The following CUL4A variants were observed in gnomAD, a reference collection of about 807,000 sequenced individuals.
CUL4A encodes cullin 4A, also known as cullin-4A.
A neutral mutation model predicts 95.5 loss-of-function variants in CUL4A; 16 were observed. The observed-to-expected ratio is 0.17, with a 90% CI of 0.11 to 0.25. The LOEUF is 0.25. CUL4A is among the 10% of genes least tolerant of loss of function. The probability of loss-of-function intolerance (pLI) is 1.00; values close to 1 mark genes in which losing one functional copy is unlikely to be tolerated. For synonymous variants in CUL4A, 380 were observed against 353.1 expected (o/e 1.08, Z -0.85); for missense variants, 610 against 937.0 (o/e 0.65, Z 4.56).
chr13:113,240,520 T>C (rs1209679094), intron 10 of CUL4A, among the ~76,000 whole-genome samples: 8 of 152,210 alleles, frequency 5.3e-5, no homozygotes, highest in Admixed American at 5.2e-4. Context: ...TTAGCAAAAG[T>C]CTGTGTTTTT....
intron 3 of CUL4A, among the ~76,000 whole-genome samples, chr13:113,225,831 A>G (rs747385197): frequency 2.6e-5 from 4 of 152,166 alleles, no homozygotes; most frequent in Non-Finnish European, 4.4e-5. Context: ...TTCCTAATAT[A>G]ATGAGCCATT....
At chr13:113,209,930 T>A in intron 1 of CUL4A, 43 bp from the exon 2 acceptor site, 3 of 1,413,948 alleles carry the variant, frequency 2.1e-6, no homozygotes, top group Non-Finnish European at 2.8e-6. Context: ...GCGGGGCGCT[T>A]CGCGGCGCGC....
chr13:113,223,547 G>A (rs1249705613), intron 3 of CUL4A, among the ~76,000 whole-genome samples: 7 of 152,106 alleles, frequency 4.6e-5, no homozygotes, highest in South Asian at 2.1e-4. Context: ...ACAGGAATGC[G>A]CCACCACGCC....
rs554081632 is a variant in CUL4A, at chr13:113,219,116, G to A, written c.368+68G>A. On this transcript the variant is annotated intron_variant, in intron 3 of 19. Transcript: ENST00000375440. ...GTCTTTTAAAACTGAACATTATTAT[G>A]ATAAAGAGCTAATGAGTATCCTTAA... 1.5e-4 allele frequency: 139 copies of A among 940,052 alleles called. 2 individuals carry two copies. In the South Asian group the frequency reaches 2.2e-3, roughly 15 times the overall value. The allele number at this position is 940,052 out of a possible 1,614,324, so 58.2% of individuals were successfully genotyped here.
chr13:113,253,985 T>A (rs1479186683), intron 16 of CUL4A, among the ~76,000 whole-genome samples: 2 of 152,228 alleles, frequency 1.3e-5, no homozygotes, highest in Non-Finnish European at 2.9e-5. Context: ...TATATTCTCT[T>A]CCTTAAGGTA....
Position 113,250,655 on chromosome 13 carries a change from G to A in CUL4A, c.1639-2427G>A, listed in dbSNP as rs528716872. On this transcript the variant is annotated intron_variant, in intron 15 of 19. Transcript: ENST00000375440. ...ATGAATCCCAAGGAGATGGTTTTTA[G>A]GAAAGATATGCACTAAGAGGTTTAT... Among the ~76,000 whole-genome samples the A allele has an allele frequency of 7.9e-5, 12 of 152,142 alleles. No individual in the cohort carries two copies. In the South Asian group the frequency reaches 2.5e-3, roughly 32 times the overall value.
chr13:113,248,247 A>AT (rs577695420), intron 15 of CUL4A, among the ~76,000 whole-genome samples: 93 of 151,980 alleles, frequency 6.1e-4, no homozygotes, highest in African/African-American at 2.1e-3. Context: ...GTGAATGGGG[A>AT]TTTTTTTCCA....
In CUL4A at chr13:113,263,664, T is replaced by G; in HGVS notation, c.*82T>G. ...AGCACACCTGTGCCATTTCTGGGAC[T>G]CTGATTGATCCAGCTGTGGACATTG... is the stretch of plus-strand genomic sequence containing the variant. On this transcript the variant is annotated 3_prime_UTR_variant, in exon 20 of 20. Transcript: ENST00000375440. 1 of 857,986 alleles carries G rather than the reference T, an allele frequency of 1.2e-6. No homozygotes were observed. Among genetic ancestry groups the G allele is most frequent in the Non-Finnish European group, 1.8e-6 (1 of 548,674 alleles). The allele number at this position is 857,986 out of a possible 1,614,324, so 53.1% of individuals were successfully genotyped here. A position where few individuals can be genotyped will look rare whatever the true frequency, so the allele number is the denominator to read the frequency against.
chr13:113,233,137 C>T (rs372172396), intron 5 of CUL4A, 40 bp from the exon 6 acceptor site: 24 of 1,584,814 alleles, frequency 1.5e-5, no homozygotes, highest in South Asian at 5.7e-5. Context: ...TTCTAAAAAG[C>T]GAAACTAAAA....
chr13:113,239,614 G>A (rs1566354059), intron 10 of CUL4A, 63 bp downstream of exon 10: 7 of 1,272,812 alleles, frequency 5.5e-6, no homozygotes, highest in Non-Finnish European at 7.8e-6. Flanking sequence ...AGCCCCTCCT[G>A]AGAACGCCTA....
At chr13:113,236,553 TC>T (rs2041551094) in intron 8 of CUL4A, among the ~76,000 whole-genome samples, 1 of 152,154 alleles carries the variant, frequency 6.6e-6, no homozygotes, top group Non-Finnish European at 1.5e-5. Flanking sequence ...AAATCAGCAA[TC>T]CTTGGAATAA....
At chr13:113,229,126 A>C (rs1226979911) in intron 4 of CUL4A, among the ~76,000 whole-genome samples, 1 of 152,124 alleles carries the variant, frequency 6.6e-6, no homozygotes, top group African/African-American at 2.4e-5. Flanking sequence ...CTCAAGACAA[A>C]AAAAAGAAAA....
Position 113,232,024 on chromosome 13 carries a change from CCACCA to C in CUL4A, c.513-1152_513-1148del, listed in dbSNP as rs1566342691. ...ACTGTTACTACTGCCACCACCACCA[CCACCA>C]TTACTGCTGCCACCACTACCCGCCC... On this transcript the variant is annotated intron_variant, in intron 5 of 19. Transcript: ENST00000375440. Among the ~76,000 whole-genome samples the C allele has an allele frequency of 2.8e-4, 42 of 148,062 alleles. 4 individuals carry two copies. Among genetic ancestry groups the C allele is most frequent in the African/African-American group, 7.1e-4 (28 of 39,568 alleles).
chr13:113,224,577 G>A (rs2041031217), intron 3 of CUL4A, among the ~76,000 whole-genome samples: 1 of 152,250 alleles, frequency 6.6e-6, no homozygotes, highest in African/African-American at 2.4e-5. Context: ...CAAAGCTCCA[G>A]TTTCCTCTAA....
intron 4 of CUL4A, 73 bp downstream of exon 4, chr13:113,228,118 A>T: frequency 8.8e-7 from 1 of 1,131,622 alleles, no homozygotes; most frequent in South Asian, 1.2e-5. Context: ...GAGAGCTGAG[A>T]CATAGAAGTT....
chr13:113,240,895 C>G (rs2041689645), intron 10 of CUL4A, among the ~76,000 whole-genome samples: 1 of 152,162 alleles, frequency 6.6e-6, no homozygotes, highest in Admixed American at 6.5e-5. Context: ...GTTTCGCAAA[C>G]CGTTGCCATT....
rs2042347563 is a variant in CUL4A at position 113,263,679 on chromosome 13, T to G, written c.*97T>G. On this transcript the variant is annotated 3_prime_UTR_variant, in exon 20 of 20. Coordinates refer to ENST00000375440, the MANE Select transcript of CUL4A (RefSeq NM_001008895.4). ...TTTCTGGGACTCTGATTGATCCAGC[T>G]GTGGACATTGGAAGGCGAAGGAAGG... 4.2e-6 allele frequency: 3 copies of G among 722,020 alleles called. No individual in the cohort carries two copies. Among genetic ancestry groups the G allele is most frequent in the Middle Eastern group, 2.5e-4 (1 of 3,952 alleles). The allele number at this position is 722,020 out of a possible 1,614,324, so 44.7% of individuals were successfully genotyped here. A position where few individuals can be genotyped will look rare whatever the true frequency, so the allele number is the denominator to read the frequency against.
chr13:113,249,659 T>TA (rs1249369744), intron 15 of CUL4A, among the ~76,000 whole-genome samples: 1 of 152,244 alleles, frequency 6.6e-6, no homozygotes, highest in African/African-American at 2.4e-5. Context: ...ACTTGAAGTT[T>TA]AAGTTACTGA....
chr13:113,258,689 G>A (rs1595434317), intron 18 of CUL4A, among the ~76,000 whole-genome samples: 2 of 152,200 alleles, frequency 1.3e-5, no homozygotes, highest in South Asian at 4.1e-4. Flanking sequence ...CCAGCAGAGA[G>A]GTAGCAGAGG....
Sources: allele counts gnomAD v4.1 joint callset (sites outside exome capture counted in the v4.1 genomes callset), GRCh38; gene constraint gnomAD v4.1.1; transcripts MANE v1.5; gene names NCBI Gene and HGNC (gene_info 2026-07-23, HGNC 2026-07-21).